Variants in MARCHF1 observed in about 807,000 individuals in gnomAD.
The protein encoded by MARCHF1 is membrane associated ring-CH-type finger 1, also known as E3 ubiquitin-protein ligase MARCHF1.
MARCHF1 carries 40 observed loss-of-function variants against 54.2 expected under a neutral mutation model. The observed-to-expected ratio is 0.74, with a 90% CI of 0.57 to 0.96. The LOEUF is 0.96. Ranked by LOEUF, MARCHF1 falls within the 40% of genes least tolerant of loss-of-function variation. MARCHF1 has a pLI of 0.00. For missense variants in MARCHF1, 586 were observed against 656.5 expected (o/e 0.89, Z 1.17); for synonymous variants, 236 against 236.3 (o/e 1.00, Z 0.01).
intron 1 of MARCHF1, among the ~76,000 whole-genome samples, chr4:164,328,898 T>C (rs1461177073): frequency 6.6e-6 from 1 of 152,176 alleles, no homozygotes; most frequent in Non-Finnish European, 1.5e-5. Flanking sequence ...GGTGGAGGCA[T>C]ACTAAATTAC....
At chr4:163,569,148 G>A (rs575931771) in intron 8 of MARCHF1, among the ~76,000 whole-genome samples, 7 of 152,018 alleles carry the variant, frequency 4.6e-5, no homozygotes, top group Non-Finnish European at 8.8e-5. Flanking sequence ...CTGTGTACAC[G>A]GTCTTTTGGA....
intron 4 of MARCHF1, among the ~76,000 whole-genome samples, chr4:163,812,544 G>T (rs2111016453): frequency 6.6e-6 from 1 of 152,190 alleles, no homozygotes; most frequent in South Asian, 2.1e-4. Flanking sequence ...GATCACCTGA[G>T]GTCAGGAGTT....
At chr4:164,092,951 C>T (rs1199539926) in intron 2 of MARCHF1, among the ~76,000 whole-genome samples, 2 of 151,936 alleles carry the variant, frequency 1.3e-5, no homozygotes, top group African/African-American at 4.8e-5. Flanking sequence ...AATAGAAGAC[C>T]ACAGAATTTA....
At chr4:163,908,223 T>C (rs1419070681) in intron 3 of MARCHF1, among the ~76,000 whole-genome samples, 1 of 152,178 alleles carries the variant, frequency 6.6e-6, no homozygotes, top group Non-Finnish European at 1.5e-5. Context: ...ATCTTCTGCA[T>C]ACATCAAAAT....
chr4:163,644,771 G>T (rs975782435), intron 5 of MARCHF1, among the ~76,000 whole-genome samples: 2 of 152,198 alleles, frequency 1.3e-5, no homozygotes, highest in Non-Finnish European at 2.9e-5. Flanking sequence ...GGACCTGAAA[G>T]GTCCATAGAT....
intron 2 of MARCHF1, among the ~76,000 whole-genome samples, chr4:164,091,894 GTC>G (rs1553980566): frequency 7.3e-6 from 1 of 137,150 alleles, no homozygotes; most frequent in Non-Finnish European, 1.6e-5. Context: ...GTGTGTGTGT[GTC>G]TGTATGTGTG....
chr4:163,702,312 C>A (rs543135977), intron 4 of MARCHF1, among the ~76,000 whole-genome samples: 1 of 152,158 alleles, frequency 6.6e-6, no homozygotes, highest in Admixed American at 6.6e-5. Flanking sequence ...TTTCTACTGA[C>A]GTCTCAACTC....
chr4:164,049,733 T>C (rs1199971904), intron 2 of MARCHF1, among the ~76,000 whole-genome samples: 6 of 152,234 alleles, frequency 3.9e-5, no homozygotes, highest in African/African-American at 4.8e-5. Context: ...AATGTCACCA[T>C]ACAATTCTTG....
At chr4:164,266,518 C>G (rs1733615314) in intron 1 of MARCHF1, among the ~76,000 whole-genome samples, 1 of 152,202 alleles carries the variant, frequency 6.6e-6, no homozygotes, top group Admixed American at 6.5e-5. Flanking sequence ...AGATTCTAAT[C>G]CACAGAGTTC....
At chr4:164,241,790 C>T (rs867106340) in intron 1 of MARCHF1, among the ~76,000 whole-genome samples, 2 of 152,196 alleles carry the variant, frequency 1.3e-5, no homozygotes, top group African/African-American at 4.8e-5. Flanking sequence ...CGAGCCGAAG[C>T]AGGGCGAGGC....
chr4:163,990,076 C>G (rs997248936), intron 2 of MARCHF1, among the ~76,000 whole-genome samples: 1 of 152,134 alleles, frequency 6.6e-6, no homozygotes, highest in Non-Finnish European at 1.5e-5. Context: ...GAAAAAAGAT[C>G]TGTACTGCTG....
At chr4:164,324,605 T>A (rs905462703) in intron 1 of MARCHF1, among the ~76,000 whole-genome samples, 4 of 151,522 alleles carry the variant, frequency 2.6e-5, no homozygotes, top group African/African-American at 7.2e-5. Context: ...TCAGTATTTA[T>A]CCTCCATTTT....
At chr4:163,554,759 A>T (rs1739228939) in intron 8 of MARCHF1, among the ~76,000 whole-genome samples, 1 of 152,246 alleles carries the variant, frequency 6.6e-6, no homozygotes, top group Non-Finnish European at 1.5e-5. Context: ...AAATAGTGTG[A>T]CCAGTAAATT....
intron 4 of MARCHF1, among the ~76,000 whole-genome samples, chr4:163,737,153 CTTTTTTCTTTCT>C (rs1338875532): frequency 0.012 from 941 of 79,212 alleles, 31 homozygotes; most frequent in African/African-American, 0.043. Flanking sequence ...GCGCTCGCAG[CTTTTTTCTTTCT>C]TTTTTTTTTT....
intron 2 of MARCHF1, among the ~76,000 whole-genome samples, chr4:164,080,459 T>C (rs929971847): frequency 6.6e-6 from 1 of 152,214 alleles, no homozygotes; most frequent in Non-Finnish European, 1.5e-5. Flanking sequence ...TCCATTATTA[T>C]ATAGATGAGG....
chr4:163,687,231 CTT>C (rs753785368), intron 5 of MARCHF1, among the ~76,000 whole-genome samples: 9 of 142,920 alleles, frequency 6.3e-5, no homozygotes, highest in African/African-American at 7.6e-5. Context: ...GAAGTCAGAT[CTT>C]TTTTTTTTTT....
chr4:163,891,906 T>C (rs1750669375), intron 3 of MARCHF1, among the ~76,000 whole-genome samples: 1 of 152,182 alleles, frequency 6.6e-6, no homozygotes, highest in African/African-American at 2.4e-5. Context: ...GCTACAAGAT[T>C]ATGTCTTGCT....
rs138632025 is a variant in MARCHF1 at position 163,961,325 on chromosome 4, C to G, written c.-39+27176G>C. On this transcript the variant is annotated intron_variant, in intron 3 of 9. Coordinates refer to ENST00000514618, the MANE Select transcript of MARCHF1 (RefSeq NM_001394959.1). Reference sequence around the variant, plus strand: ...GTGATCTTACTGAGCATTAATAGTCCTAGAGAAAATTAACACATATGACAT... The same window carrying G: ...GTGATCTTACTGAGCATTAATAGTCGTAGAGAAAATTAACACATATGACAT... Among the ~76,000 whole-genome samples, 74 of 151,996 alleles carry G rather than the reference C, an allele frequency of 4.9e-4. 1 individual carries two copies. In the East Asian group the frequency reaches 0.014, roughly 28 times the overall value.
At chr4:163,728,408 A>C (rs1745730936) in intron 4 of MARCHF1, among the ~76,000 whole-genome samples, 1 of 152,194 alleles carries the variant, frequency 6.6e-6, no homozygotes, top group African/African-American at 2.4e-5. Context: ...CTAACATCTT[A>C]ACAATATTAA....
Sources: gnomAD v4.1 joint callset for allele counts (sites outside exome capture counted in the v4.1 genomes callset) on GRCh38, gnomAD v4.1.1 for gene constraint, MANE v1.5 for transcripts, NCBI Gene and HGNC (gene_info 2026-07-23, HGNC 2026-07-21) for gene names.